Variants in FBXO17 observed in about 807,000 individuals in gnomAD.
The protein encoded by FBXO17 is F-box protein 17.
A neutral mutation model predicts 34.1 loss-of-function variants in FBXO17; 43 were observed. The observed-to-expected ratio is 1.26, with a 90% CI of 0.99 to 1.62. FBXO17 has a LOEUF of 1.62. Among genes scored for constraint, FBXO17 ranks in the 40% most tolerant of loss-of-function variants. The probability of loss-of-function intolerance (pLI) is 0.00; values close to 1 mark genes in which losing one functional copy is unlikely to be tolerated. For synonymous variants in FBXO17, 169 were observed against 166.0 expected, an observed-to-expected ratio of 1.02 and a Z score of -0.14; for missense variants, 424 against 386.7, an observed-to-expected ratio of 1.10 and a Z score of -0.81.
intron 1 of FBXO17, among the ~76,000 whole-genome samples, chr19:38,952,259 T>C (rs1600193515): frequency 6.6e-6 from 1 of 152,222 alleles, no homozygotes; most frequent in East Asian, 1.9e-4. Flanking sequence ...AGTTTGGCTT[T>C]TGAGTGTTGA....
At position 38,957,396 on chromosome 19, in the gene FBXO17, G is replaced by C. The variant is rs919181698; in HGVS notation, c.-17-7060C>G. 4.6e-5 allele frequency among the ~76,000 whole-genome samples: 7 copies of C among 151,942 alleles called. 1 individual carries two copies. Among genetic ancestry groups the C allele is most frequent in the Admixed American group, 2.6e-4 (4 of 15,254 alleles). The stretch of plus-strand genomic sequence containing the variant: ...GAGTCTCACTCTGTCGCCCAGGCTG[G>C]AGTGCAGTTGCATGATCTCGGCTCA... On this transcript the variant is annotated intron_variant, in intron 1 of 5. Coordinates refer to ENST00000292852, the MANE Select transcript of FBXO17 (RefSeq NM_024907.7).
chr19:38,963,531 G>C (rs917700479), intron 1 of FBXO17, among the ~76,000 whole-genome samples: 1 of 151,962 alleles, frequency 6.6e-6, no homozygotes, highest in Non-Finnish European at 1.5e-5. Flanking sequence ...TGGGCTCAGC[G>C]ATCTTCCCAG....
At chr19:38,961,637 A>C (rs1975251196) in intron 1 of FBXO17, among the ~76,000 whole-genome samples, 1 of 139,480 alleles carries the variant, frequency 7.2e-6, no homozygotes, top group Non-Finnish European at 1.5e-5. Context: ...CCCTACTCCC[A>C]CCCAAAGTCA....
At position 38,948,820 on chromosome 19, in the gene FBXO17, C is replaced by T. The variant is rs191721803; in HGVS notation, c.350-142G>A. 2.8e-4 allele frequency: 188 copies of T among 661,540 alleles called. 1 individual carries two copies. The East Asian group carries it at 4.9e-3, about 17-fold the overall frequency. 41.0% of individuals were successfully genotyped at this position (661,540 alleles called of 1,614,324 possible). On this transcript the variant is annotated intron_variant, in intron 2 of 5. Coordinates refer to ENST00000292852, the MANE Select transcript of FBXO17 (RefSeq NM_024907.7). ...CTGGTTTCTCCTACCGACTCCTCCT[C>T]CCATTATTCTGTATTCCTGGTCCTA...
chr19:38,963,466 T>A (rs934002241), intron 1 of FBXO17, among the ~76,000 whole-genome samples: 8 of 151,878 alleles, frequency 5.3e-5, no homozygotes, highest in Non-Finnish European at 8.8e-5. Context: ...GGCTAATTTT[T>A]AAATTTTTTT....
At position 38,950,186 on chromosome 19, in the gene FBXO17, A is replaced by T. The variant is rs1023774704; in HGVS notation, c.134T>A (p.Val45Glu). The T allele has an allele frequency of 1.3e-6, 2 of 1,557,508 alleles. No individual in the cohort carries two copies. Among genetic ancestry groups the T allele is most frequent in the Non-Finnish European group, 1.7e-6 (2 of 1,158,566 alleles). ...CACTATGTCGCGCCAGGCGCGGCACACTGGGCGGCATCGCGTGACCAAGGA... is the reference window on the plus strand; with the variant it reads ...CACTATGTCGCGCCAGGCGCGGCACTCTGGGCGGCATCGCGTGACCAAGGA... ...PRSLVTRCRP[V>E]CRAWRDIVDG... is the part of the protein sequence containing the mutation. Residue 45 changes from valine (V) to glutamate (E), a missense_variant, in exon 2 of 6, where the codon GTG becomes GAG. Val to Glu is a moderately radical substitution (Grantham distance 121). Transcript: ENST00000292852.
intron 1 of FBXO17, among the ~76,000 whole-genome samples, chr19:38,957,155 T>G (rs538594453): frequency 3.0e-4 from 46 of 150,932 alleles, no homozygotes; most frequent in African/African-American, 1.1e-3. Context: ...GAGGTGGAGG[T>G]TGCAGCGAGC....
At chr19:38,958,374 C>G (rs1192573794) in intron 1 of FBXO17, among the ~76,000 whole-genome samples, 1 of 141,698 alleles carries the variant, frequency 7.1e-6, no homozygotes, top group South Asian at 2.2e-4. Flanking sequence ...TGCCACTGCA[C>G]TCTAGCCTGG....
intron 1 of FBXO17, among the ~76,000 whole-genome samples, chr19:38,953,584 C>A (rs1975118636): frequency 6.6e-6 from 1 of 152,042 alleles, no homozygotes; most frequent in Admixed American, 6.6e-5. Flanking sequence ...TTGCTTGAAC[C>A]CAGGAGGCAG....
At chr19:38,957,397 A>G (rs1203485154) in intron 1 of FBXO17, among the ~76,000 whole-genome samples, 1 of 150,772 alleles carries the variant, frequency 6.6e-6, no homozygotes, top group Non-Finnish European at 1.5e-5. Flanking sequence ...CCCAGGCTGG[A>G]GTGCAGTTGC....
chr19:38,942,906 G>A (rs2144805053), intron 5 of FBXO17, among the ~76,000 whole-genome samples, 155 bp from the exon 6 acceptor site: 1 of 152,322 alleles, frequency 6.6e-6, no homozygotes, highest in South Asian at 2.1e-4. Flanking sequence ...ACCCCGCCCT[G>A]GTGTCAGTGC....
At chr19:38,954,625 G>A (rs75137525) in intron 1 of FBXO17, among the ~76,000 whole-genome samples, 9,420 of 141,996 alleles carry the variant, frequency 0.066, 395 homozygotes, top group East Asian at 0.26. Flanking sequence ...TGTTGCCCAG[G>A]CTGGAGTGCA....
rs149056440 is a variant in FBXO17, at chr19:38,963,908, C to G, written c.-18+11678G>C. ...AAGCAGTTCTCCTGCCTCAGCCTCCCAAGTAGCTGGGATTACAGGTGTGCG... is the reference window on the plus strand; with the variant it reads ...AAGCAGTTCTCCTGCCTCAGCCTCCGAAGTAGCTGGGATTACAGGTGTGCG... On this transcript the variant is annotated intron_variant, in intron 1 of 5. Coordinates refer to ENST00000292852, the MANE Select transcript of FBXO17 (RefSeq NM_024907.7). Among the ~76,000 whole-genome samples the G allele has an allele frequency of 5.9e-5, 9 of 152,044 alleles. No individual in the cohort carries two copies. In the East Asian group the frequency reaches 1.7e-3, roughly 29 times the overall value.
chr19:38,949,767 C>T (rs1237424458), intron 2 of FBXO17: 2 of 646,332 alleles, frequency 3.1e-6, no homozygotes, highest in East Asian at 3.0e-5. Context: ...CCTTGCCCCG[C>T]CCACTCGTTC....
chr19:38,972,777 T>C (rs1229593596), intron 1 of FBXO17, among the ~76,000 whole-genome samples: 1 of 152,160 alleles, frequency 6.6e-6, no homozygotes, highest in Non-Finnish European at 1.5e-5. Flanking sequence ...CTTTTCTTTT[T>C]GGACAGAGTT....
At chr19:38,962,544 A>C (rs1429288855) in intron 1 of FBXO17, among the ~76,000 whole-genome samples, 1 of 152,022 alleles carries the variant, frequency 6.6e-6, no homozygotes, top group African/African-American at 2.4e-5. Flanking sequence ...CTTCTGCCGC[A>C]TTCTACTGGT....
At chr19:38,961,653 T>A (rs1975251379) in intron 1 of FBXO17, among the ~76,000 whole-genome samples, 1 of 93,502 alleles carries the variant, frequency 1.1e-5, no homozygotes, top group Non-Finnish European at 2.1e-5. Context: ...AGTCAACTAC[T>A]ATTCTGTTTT....
At chr19:38,945,184 C>T in intron 4 of FBXO17, 80 bp from the exon 5 acceptor site, 1 of 1,571,130 alleles carries the variant, frequency 6.4e-7, no homozygotes, top group Non-Finnish European at 8.6e-7. Flanking sequence ...TGAGGGCTGG[C>T]TCCATCTTGA....
rs143540228 is a variant in FBXO17 at position 38,948,266 on chromosome 19, G to A, written c.461+301C>T. Among the ~76,000 whole-genome samples the A allele has an allele frequency of 2.6e-4, 39 of 152,296 alleles. 1 individual carries two copies. The East Asian group carries it at 6.9e-3, about 27-fold the overall frequency. On this transcript the variant is annotated intron_variant, in intron 3 of 5. Transcript: ENST00000292852. Reference sequence around the variant, plus strand: ...GCTGGGATTACAGGCGAGAGCCACCGTGCCCGGCCCAAAACCCTGTCTTTA... The same window carrying A: ...GCTGGGATTACAGGCGAGAGCCACCATGCCCGGCCCAAAACCCTGTCTTTA...
Sources: allele counts gnomAD v4.1 joint callset (sites outside exome capture counted in the v4.1 genomes callset), GRCh38; gene constraint gnomAD v4.1.1; transcripts MANE v1.5; gene names NCBI Gene and HGNC (gene_info 2026-07-23, HGNC 2026-07-21).